PLXDC2: variants seen among roughly 807,000 people sequenced by gnomAD.
PLXDC2 encodes the protein plexin domain containing 2, also known as plexin domain-containing protein 2.
Under a neutral mutation model 68.9 loss-of-function variants are expected in PLXDC2, and 40 were observed. That is an observed-to-expected ratio of 0.58 (90% confidence interval 0.45 to 0.76). The LOEUF is 0.76. PLXDC2 is among the 30% of genes least tolerant of loss of function. PLXDC2 has a pLI of 0.00. For synonymous variants in PLXDC2, 243 were observed against 234.2 expected, an observed-to-expected ratio of 1.04 and a Z score of -0.34; for missense variants, 644 against 661.9, an observed-to-expected ratio of 0.97 and a Z score of 0.30.
intron 9 of PLXDC2, among the ~76,000 whole-genome samples, chr10:20,201,805 A>C (rs1295758375): frequency 6.6e-6 from 1 of 152,138 alleles, no homozygotes; most frequent in Non-Finnish European, 1.5e-5. Flanking sequence ...ACATGGGAAA[A>C]TGCCTAGACT....
intron 1 of PLXDC2, among the ~76,000 whole-genome samples, chr10:19,868,347 T>C (rs754019770): frequency 6.6e-6 from 1 of 152,170 alleles, no homozygotes; most frequent in Non-Finnish European, 1.5e-5. Flanking sequence ...TTTAGCTTAA[T>C]AGGTAGTTTT....
intron 1 of PLXDC2, among the ~76,000 whole-genome samples, chr10:19,993,174 A>G (rs529693930): frequency 9.8e-5 from 15 of 152,326 alleles, no homozygotes; most frequent in Non-Finnish European, 1.5e-4. Flanking sequence ...ACTTTGTTTT[A>G]TAATCATTAA....
At chr10:20,011,699 A>T (rs928557154) in intron 2 of PLXDC2, among the ~76,000 whole-genome samples, 1 of 152,210 alleles carries the variant, frequency 6.6e-6, no homozygotes, top group Non-Finnish European at 1.5e-5. Context: ...TAATGAATTG[A>T]TTGTAGCTCA....
At chr10:20,142,043 A>G (rs1003435342) in intron 4 of PLXDC2, among the ~76,000 whole-genome samples, 2 of 152,106 alleles carry the variant, frequency 1.3e-5, no homozygotes, top group South Asian at 2.1e-4. Flanking sequence ...ATTGCCAAAA[A>G]GAGAGAAATT....
At chr10:20,015,554 A>C (rs980717345) in intron 2 of PLXDC2, among the ~76,000 whole-genome samples, 1 of 152,174 alleles carries the variant, frequency 6.6e-6, no homozygotes, top group African/African-American at 2.4e-5. Flanking sequence ...ATCAACATAA[A>C]CTAAACAGGT....
chr10:20,113,227 A>G (rs1401070892), intron 4 of PLXDC2, among the ~76,000 whole-genome samples: 1 of 141,948 alleles, frequency 7.0e-6, no homozygotes, highest in Non-Finnish European at 1.5e-5. Context: ...TTTTTATTGT[A>G]ATACCTTACA....
At chr10:20,074,511 GC>G (rs776146357) in intron 4 of PLXDC2, among the ~76,000 whole-genome samples, 12 of 151,874 alleles carry the variant, frequency 7.9e-5, no homozygotes, top group Non-Finnish European at 1.6e-4. Context: ...ATAATCATTA[GC>G]TTTTTTTCTG....
intron 13 of PLXDC2, among the ~76,000 whole-genome samples, chr10:20,251,785 A>G (rs1200687452): frequency 1.3e-5 from 2 of 152,186 alleles, no homozygotes; most frequent in Non-Finnish European, 2.9e-5. Context: ...ATTGTCCTTA[A>G]TTTTTCTTAG....
intron 1 of PLXDC2, among the ~76,000 whole-genome samples, chr10:19,893,968 C>T (rs536166361): frequency 4.7e-4 from 71 of 152,290 alleles, no homozygotes; most frequent in Non-Finnish European, 8.4e-4. Context: ...CCCTTGAACC[C>T]TCTTCACTGC....
Position 19,990,750 on chromosome 10 carries a change from T to C in PLXDC2, c.113-11025T>C, listed in dbSNP as rs543725153. On this transcript the variant is annotated intron_variant, in intron 1 of 13. Coordinates refer to ENST00000377252, the MANE Select transcript of PLXDC2 (RefSeq NM_032812.9). ...AAATTATGTAATCAGTGTAAATATATGCAATCATGCAATTTAATTAGGGAA... is the reference window on the plus strand; with the variant it reads ...AAATTATGTAATCAGTGTAAATATACGCAATCATGCAATTTAATTAGGGAA... 1.1e-4 allele frequency among the ~76,000 whole-genome samples: 16 copies of C among 152,326 alleles called. No homozygotes were observed. The South Asian group carries it at 3.3e-3, about 32-fold the overall frequency.
At chr10:20,140,002 A>G (rs1373855262) in intron 4 of PLXDC2, among the ~76,000 whole-genome samples, 1 of 152,104 alleles carries the variant, frequency 6.6e-6, no homozygotes, top group Non-Finnish European at 1.5e-5. Flanking sequence ...TTGAAGTATA[A>G]TAATAAAAAT....
chr10:20,229,517 CAAAAAA>C (rs58386547), intron 12 of PLXDC2, among the ~76,000 whole-genome samples: 5 of 105,654 alleles, frequency 4.7e-5, no homozygotes, highest in Admixed American at 1.1e-4. Flanking sequence ...CCACTTTAAG[CAAAAAA>C]AAAAAAAAAA....
chr10:20,076,143 T>C (rs894220585), intron 4 of PLXDC2, among the ~76,000 whole-genome samples: 1 of 152,238 alleles, frequency 6.6e-6, no homozygotes, highest in Non-Finnish European at 1.5e-5. Context: ...ATATGCCAGA[T>C]GCTCTAACAT....
chr10:20,030,700 C>G (rs572230112), intron 2 of PLXDC2, among the ~76,000 whole-genome samples: 1 of 152,124 alleles, frequency 6.6e-6, no homozygotes, highest in Non-Finnish European at 1.5e-5. Context: ...CTGGTTTATA[C>G]AGCTGAGCCC....
In PLXDC2 at chr10:19,834,783, C is replaced by G. The variant is rs77694506; in HGVS notation, c.112+17592C>G. 2.5e-3 allele frequency among the ~76,000 whole-genome samples: 375 copies of G among 152,276 alleles called. 9 individuals are homozygous for G. In the East Asian group the frequency reaches 0.053, roughly 22 times the overall value. ...CATTTGCTAGATGTATCCTATGCGC[C>G]TAGCATTGTGATGTGAAGGGATACA... On this transcript the variant is annotated intron_variant, in intron 1 of 13. Transcript: ENST00000377252.
At chr10:19,881,608 A>G (rs964787415) in intron 1 of PLXDC2, among the ~76,000 whole-genome samples, 3 of 152,252 alleles carry the variant, frequency 2.0e-5, no homozygotes, top group Admixed American at 1.3e-4. Context: ...CAGAATTTTT[A>G]ACGGAAAGTT....
intron 1 of PLXDC2, among the ~76,000 whole-genome samples, chr10:19,900,987 G>A (rs1838149981): frequency 3.2e-5 from 3 of 94,292 alleles, no homozygotes; most frequent in African/African-American, 1.4e-4. Flanking sequence ...TGTGATGTGT[G>A]TGTGTGTGTG....
intron 9 of PLXDC2, among the ~76,000 whole-genome samples, chr10:20,204,065 T>C (rs902232081): frequency 1.3e-5 from 2 of 152,054 alleles, no homozygotes; most frequent in African/African-American, 4.8e-5. Flanking sequence ...TAATAAATGG[T>C]TCAGGTATGA....
At chr10:20,102,465 A>T (rs10508614) in intron 4 of PLXDC2, among the ~76,000 whole-genome samples, 37,974 of 151,970 alleles carry the variant, frequency 0.25, 5,343 homozygotes, top group East Asian at 0.49. Flanking sequence ...AAATCTAATC[A>T]CTCCTTTATT....
Sources: gnomAD v4.1 joint callset for allele counts (sites outside exome capture counted in the v4.1 genomes callset) on GRCh38, gnomAD v4.1.1 for gene constraint, MANE v1.5 for transcripts, NCBI Gene and HGNC (gene_info 2026-07-23, HGNC 2026-07-21) for gene names.